The following NFAM1 variants were observed in gnomAD, a reference collection of about 807,000 sequenced individuals.
NFAM1 encodes NFAT activation molecule 1.
NFAM1 carries 17 observed loss-of-function variants against 29.0 expected under a neutral mutation model. The observed-to-expected ratio is 0.59, with a 90% CI of 0.40 to 0.88. The LOEUF (loss-of-function observed/expected upper bound fraction) is 0.88, where lower values mean the gene tolerates loss of function less well. Ranked by LOEUF, NFAM1 falls within the 40% of genes least tolerant of loss-of-function variation. NFAM1 has a pLI of 0.00. For synonymous variants in NFAM1, 175 were observed against 147.2 expected, an observed-to-expected ratio of 1.19 and a Z score of -1.36; for missense variants, 324 against 344.6, an observed-to-expected ratio of 0.94 and a Z score of 0.47.
rs1662789573 is a variant in NFAM1, at chr22:42,380,851, C to T, written c.*4310G>A. The T allele has an allele frequency of 6.6e-6, 1 of 152,422 alleles. No individual in the cohort carries two copies. Among genetic ancestry groups the T allele is most frequent in the African/African-American group, 2.4e-5 (1 of 41,400 alleles). The allele number at this position is 152,422 out of a possible 1,614,324, so 9.4% of individuals were successfully genotyped here. The stretch of plus-strand genomic sequence containing the variant: ...AAGGAAAAGCAGGTTTTGCCTGTAA[C>T]TTGAGTTCAGGTTTGTGACACTGGG... On this transcript the variant is annotated 3_prime_UTR_variant, in exon 6 of 6. Coordinates refer to ENST00000329021, the MANE Select transcript of NFAM1 (RefSeq NM_145912.8).
At chr22:42,430,931 G>T (rs1344123689) in intron 1 of NFAM1, among the ~76,000 whole-genome samples, 1 of 152,232 alleles carries the variant, frequency 6.6e-6, no homozygotes, top group African/African-American at 2.4e-5. Flanking sequence ...GTCTGGCCGT[G>T]TTTGCACCAA....
chr22:42,422,218 C>T (rs1345573900), intron 1 of NFAM1, among the ~76,000 whole-genome samples: 1 of 152,300 alleles, frequency 6.6e-6, no homozygotes, highest in Admixed American at 6.5e-5. Context: ...CTCGGGGACA[C>T]AAACCAAGTG....
chr22:42,395,486 T>C (rs373006266), intron 4 of NFAM1, among the ~76,000 whole-genome samples: 1 of 146,696 alleles, frequency 6.8e-6, no homozygotes, highest in Non-Finnish European at 1.5e-5. Context: ...CAAAAAAAAA[T>C]AATAATAAAT....
chr22:42,406,798 A>G (rs989557685), intron 3 of NFAM1, among the ~76,000 whole-genome samples: 1 of 152,046 alleles, frequency 6.6e-6, no homozygotes, highest in African/African-American at 2.4e-5. Context: ...TTTTTGAGAC[A>G]GAGTCTCACT....
intron 3 of NFAM1, among the ~76,000 whole-genome samples, chr22:42,402,488 C>G (rs974482996): frequency 1.3e-5 from 2 of 152,106 alleles, no homozygotes; most frequent in African/African-American, 4.8e-5. Flanking sequence ...GGAAGGGGCC[C>G]GGGATGTGCC....
intron 1 of NFAM1, among the ~76,000 whole-genome samples, chr22:42,415,788 C>T (rs1388197615): frequency 3.3e-5 from 5 of 152,192 alleles, no homozygotes; most frequent in Admixed American, 1.3e-4. Context: ...ATAGGTTTCA[C>T]GGTCATTTCC....
chr22:42,385,830 G>A (rs1478844245), intron 5 of NFAM1, among the ~76,000 whole-genome samples: 2 of 152,164 alleles, frequency 1.3e-5, no homozygotes, highest in African/African-American at 4.8e-5. Context: ...AAAGGGCTTT[G>A]AGAACAGGCG....
intron 3 of NFAM1, among the ~76,000 whole-genome samples, chr22:42,403,079 C>T (rs952204456): frequency 6.6e-6 from 1 of 151,560 alleles, no homozygotes; most frequent in East Asian, 1.9e-4. Flanking sequence ...ACCTTGTGAC[C>T]ACCCACCTCG....
rs1296782442 is a variant in NFAM1, at chr22:42,381,160, C to T, written c.*4001G>A. ...GTGGCACCAGACTTCCCTGGTCCCA[C>T]AGGACAGCCAGTGGCCTCCTAGCTT... On this transcript the variant is annotated 3_prime_UTR_variant, in exon 6 of 6. Transcript: ENST00000329021. 13 of 152,722 alleles carry T rather than the reference C, an allele frequency of 8.5e-5. No individual in the cohort carries two copies. The highest frequency in any genetic ancestry group is 8.5e-4 in the Admixed American group (13 of 15,290). 9.5% of individuals were successfully genotyped at this position (152,722 alleles called of 1,614,324 possible). A position where few individuals can be genotyped will look rare whatever the true frequency, so the allele number is the denominator to read the frequency against.
chr22:42,404,557 G>C (rs1929830034), intron 3 of NFAM1, among the ~76,000 whole-genome samples: 1 of 152,128 alleles, frequency 6.6e-6, no homozygotes. Context: ...CCCAGGTACA[G>C]AGGGTGTGTG....
At position 42,420,002 on chromosome 22, in the gene NFAM1, T is replaced by G. The variant is rs1002251947; in HGVS notation, c.122-8266A>C. ...AATCCCACTCTTGGTTTTTTTTTTT[T>G]TTTTTTTTTTTTTTTTTTTTTTTTC... On this transcript the variant is annotated intron_variant, in intron 1 of 5. Coordinates refer to ENST00000329021, the MANE Select transcript of NFAM1 (RefSeq NM_145912.8). Among the ~76,000 whole-genome samples the G allele has an allele frequency of 2.8e-4, 37 of 130,986 alleles. 1 individual carries two copies. The highest frequency in any genetic ancestry group is 4.9e-4 in the African/African-American group (17 of 34,394). 85.9% of individuals were successfully genotyped at this position (130,986 alleles called of 152,430 possible).
intron 3 of NFAM1, among the ~76,000 whole-genome samples, chr22:42,406,844 G>A (rs542436922): frequency 6.8e-5 from 10 of 147,956 alleles, no homozygotes; most frequent in African/African-American, 2.3e-4. Context: ...GTGCCATCTC[G>A]GCTCACTGCA....
chr22:42,423,799 C>A (rs1285422059), intron 1 of NFAM1, among the ~76,000 whole-genome samples: 3 of 151,672 alleles, frequency 2.0e-5, no homozygotes, highest in Non-Finnish European at 4.4e-5. Flanking sequence ...CAGCTCACTG[C>A]AATCTCTGCC....
intron 3 of NFAM1, among the ~76,000 whole-genome samples, chr22:42,408,459 G>A (rs565324669): frequency 6.6e-6 from 1 of 152,330 alleles, no homozygotes; most frequent in African/African-American, 2.4e-5. Context: ...CCCAGGCTTG[G>A]CCCCGAAGGT....
chr22:42,398,398 T>A (rs931653545), intron 3 of NFAM1, among the ~76,000 whole-genome samples: 1 of 123,830 alleles, frequency 8.1e-6, no homozygotes, highest in Non-Finnish European at 1.7e-5. Context: ...ATTATTATTA[T>A]TATTATTATT....
chr22:42,386,828 G>T (rs1003000436), intron 5 of NFAM1, among the ~76,000 whole-genome samples, 161 bp downstream of exon 5: 1 of 152,176 alleles, frequency 6.6e-6, no homozygotes, highest in Non-Finnish European at 1.5e-5. Context: ...GAACTCAAAC[G>T]CACCAGTCCT....
intron 1 of NFAM1, among the ~76,000 whole-genome samples, chr22:42,431,916 C>T (rs1032564362): frequency 2.6e-5 from 4 of 152,174 alleles, no homozygotes; most frequent in Admixed American, 6.5e-5. Context: ...GTCCCTCCCC[C>T]CTGCCCCGCC....
At chr22:42,391,550 C>T (rs1929342078) in intron 4 of NFAM1, among the ~76,000 whole-genome samples, 1 of 152,052 alleles carries the variant, frequency 6.6e-6, no homozygotes, top group African/African-American at 2.4e-5. Context: ...GTGATTGAAA[C>T]ACAGATGGAG....
chr22:42,397,923 T>C lies in NFAM1; in HGVS notation c.598A>G (p.Arg200Gly), dbSNP rs752165069. The C allele has an allele frequency of 1.9e-6, 3 of 1,611,426 alleles. No homozygotes were observed. Among genetic ancestry groups the C allele is most frequent in the South Asian group, 1.1e-5 (1 of 90,876 alleles). Residue 200 changes from arginine (R) to glycine (G), a missense_variant, in exon 4 of 6, where the codon AGG (arginine) becomes GGG (glycine). Physicochemically the swap from Arg to Gly is moderately radical, Grantham distance 125. Transcript: ENST00000329021. Reference sequence around the variant, plus strand: ...GCAGATCTTGGATCTGGGCACTTCCTGGTGGGGTCCTTCCCTGGACCCCGC... The same window carrying C: ...GCAGATCTTGGATCTGGGCACTTCCCGGTGGGGTCCTTCCCTGGACCCCGC... ...RMRGPGKDPTRKCPDPRSASS... is the reference protein window; with the variant it reads ...RMRGPGKDPTGKCPDPRSASS...
Sources: allele counts gnomAD v4.1 joint callset (sites outside exome capture counted in the v4.1 genomes callset), GRCh38; gene constraint gnomAD v4.1.1; transcripts MANE v1.5; gene names NCBI Gene and HGNC (gene_info 2026-07-23, HGNC 2026-07-21).